MAD1L1: variants seen among roughly 807,000 people sequenced by gnomAD.
MAD1L1 encodes mitotic spindle assembly checkpoint protein MAD1.
Under a neutral mutation model 96.9 loss-of-function variants are expected in MAD1L1, and 95 were observed. The observed-to-expected ratio is 0.98, with a 90% CI of 0.83 to 1.16. The LOEUF is 1.16. MAD1L1 is among the 50% of genes most tolerant of loss of function. The probability of loss-of-function intolerance (pLI) is 0.00; values close to 1 mark genes in which losing one functional copy is unlikely to be tolerated. For missense variants in MAD1L1, 1,007 were observed against 954.4 expected (o/e 1.06, Z -0.73); for synonymous variants, 473 against 396.6 (o/e 1.19, Z -2.29).
chr7:2,113,790 G>A (rs1787508927), intron 11 of MAD1L1, among the ~76,000 whole-genome samples: 1 of 152,138 alleles, frequency 6.6e-6, no homozygotes, highest in African/African-American at 2.4e-5. Flanking sequence ...AAGATTTTCT[G>A]TCCAAAAATG....
chr7:2,221,272 C>T (rs1375095102), intron 5 of MAD1L1, among the ~76,000 whole-genome samples: 1 of 152,188 alleles, frequency 6.6e-6, no homozygotes, highest in Non-Finnish European at 1.5e-5. Flanking sequence ...GCAGCGGGGA[C>T]AGCCCCCGGC....
intron 10 of MAD1L1, among the ~76,000 whole-genome samples, chr7:2,184,593 G>C (rs1791370591): frequency 6.6e-6 from 1 of 152,220 alleles, no homozygotes; most frequent in Non-Finnish European, 1.5e-5. Context: ...GAGCACATGA[G>C]ATGTGGATGT....
At chr7:1,853,785 T>C (rs543062283) in intron 18 of MAD1L1, among the ~76,000 whole-genome samples, 31 of 152,058 alleles carry the variant, frequency 2.0e-4, no homozygotes, top group Middle Eastern at 3.4e-3. Flanking sequence ...GGGCCCTGCC[T>C]CTGCACCCCC....
intron 12 of MAD1L1, among the ~76,000 whole-genome samples, chr7:2,058,798 G>A (rs1441709189): frequency 8.9e-5 from 11 of 122,950 alleles, no homozygotes; most frequent in African/African-American, 2.8e-4. Context: ...GAGGAGAGGC[G>A]CGGGGCTGGA....
chr7:2,096,736 C>G (rs985215833), intron 11 of MAD1L1, among the ~76,000 whole-genome samples: 2 of 152,160 alleles, frequency 1.3e-5, no homozygotes, highest in Non-Finnish European at 2.9e-5. Flanking sequence ...GGCCCCTTCA[C>G]GAGGCCCAGC....
intron 18 of MAD1L1, among the ~76,000 whole-genome samples, chr7:1,839,731 A>G (rs1418338100): frequency 6.6e-6 from 1 of 152,032 alleles, no homozygotes; most frequent in East Asian, 1.9e-4. Context: ...TTCAGTTAGA[A>G]CATCCCCCCC....
At chr7:2,024,196 A>C (rs1012476773) in intron 12 of MAD1L1, among the ~76,000 whole-genome samples, 2 of 152,132 alleles carry the variant, frequency 1.3e-5, no homozygotes, top group East Asian at 3.8e-4. Flanking sequence ...ATAGGCATCT[A>C]AAGGGTAATA....
At chr7:1,953,222 C>A (rs73290597) in intron 16 of MAD1L1, among the ~76,000 whole-genome samples, 5,144 of 152,276 alleles carry the variant, frequency 0.034, 192 homozygotes, top group East Asian at 0.087. Context: ...GGGAGCAGAA[C>A]GGTCTCCGTG....
At chr7:2,215,207 A>G (rs1373821668) in intron 9 of MAD1L1, among the ~76,000 whole-genome samples, 1 of 152,056 alleles carries the variant, frequency 6.6e-6, no homozygotes, top group Non-Finnish European at 1.5e-5. Flanking sequence ...GTGAAACCCT[A>G]TCTCTACTAA....
chr7:1,967,565 G>T (rs888493729), intron 15 of MAD1L1, among the ~76,000 whole-genome samples: 1 of 152,194 alleles, frequency 6.6e-6, no homozygotes, highest in African/African-American at 2.4e-5. Flanking sequence ...GCCGTCCCAG[G>T]AGCCACAGGC....
intron 11 of MAD1L1, among the ~76,000 whole-genome samples, chr7:2,072,483 C>T (rs1785180833): frequency 6.6e-6 from 1 of 152,214 alleles, no homozygotes; most frequent in South Asian, 2.1e-4. Flanking sequence ...GCACAAAGCT[C>T]ATGGGAAACA....
At chr7:2,160,532 A>G (rs942292150) in intron 10 of MAD1L1, among the ~76,000 whole-genome samples, 1 of 142,946 alleles carries the variant, frequency 7.0e-6, no homozygotes, top group Non-Finnish European at 1.5e-5. Context: ...ACGGGGTTTC[A>G]CTGTGTTAGC....
chr7:1,997,565 G>C (rs944721903), intron 14 of MAD1L1, among the ~76,000 whole-genome samples: 24 of 152,392 alleles, frequency 1.6e-4, no homozygotes, highest in African/African-American at 5.8e-4. Context: ...AATGAAAAGG[G>C]AGTCAGGCTG....
At chr7:1,949,724 T>C (rs1779399466) in intron 16 of MAD1L1, among the ~76,000 whole-genome samples, 1 of 152,204 alleles carries the variant, frequency 6.6e-6, no homozygotes. Context: ...CCAAAGGACA[T>C]CGGTCCCTTG....
chr7:2,227,139 A>G lies in MAD1L1; in HGVS notation c.151-1589T>C, dbSNP rs144833543. 1.3e-4 allele frequency among the ~76,000 whole-genome samples: 20 copies of G among 151,920 alleles called. 1 individual carries two copies. The South Asian group carries it at 2.3e-3, about 17-fold the overall frequency. ...TGAAACCCTGTCTCTACTCAAAACT[A>G]TGAAAATTAGCCGAGTGTGGTGGTA... On this transcript the variant is annotated intron_variant, in intron 3 of 18. Coordinates refer to ENST00000265854, the MANE Select transcript of MAD1L1 (RefSeq NM_001013836.2).
At position 2,219,403 on chromosome 7, in the gene MAD1L1, G is replaced by A. The variant is rs752155000; in HGVS notation, c.525C>T (p.Asp175=). The A allele has an allele frequency of 1.9e-6, 3 of 1,612,464 alleles. No individual in the cohort carries two copies. Among genetic ancestry groups the A allele is most frequent in the Middle Eastern group, 1.6e-4 (1 of 6,074 alleles). ...RISELQWSVM[D]QEMRVKRLES... is the part of the protein sequence containing the mutation. ...CCAGGCGCTTCACCCGCATCTCCTGGTCCATCACGCTCCACTGCAGTTCCG... is the reference window on the plus strand; with the variant it reads ...CCAGGCGCTTCACCCGCATCTCCTGATCCATCACGCTCCACTGCAGTTCCG... The change falls in exon 6 of 19, where the codon GAC becomes GAT. Residue 175 remains aspartate, a synonymous_variant. Coordinates refer to ENST00000265854, the MANE Select transcript of MAD1L1 (RefSeq NM_001013836.2).
chr7:2,136,700 G>T (rs1788769985), intron 11 of MAD1L1, among the ~76,000 whole-genome samples: 1 of 152,168 alleles, frequency 6.6e-6, no homozygotes, highest in African/African-American at 2.4e-5. Flanking sequence ...TCTCCTCGGG[G>T]CTCAGCAGTG....
At chr7:1,844,536 A>C (rs1240929992) in intron 18 of MAD1L1, among the ~76,000 whole-genome samples, 2 of 151,902 alleles carry the variant, frequency 1.3e-5, no homozygotes, top group Non-Finnish European at 2.9e-5. Context: ...GCCCAGGGAG[A>C]GGCGCAGGCA....
In MAD1L1 at chr7:2,216,271, A is replaced by T; in HGVS notation, c.695T>A (p.Leu232Gln). The change falls in exon 8 of 19, where the codon CTG becomes CAG. Residue 232 changes from leucine to glutamine, a missense_variant. By Grantham distance (113) the Leu-to-Gln change is moderately radical. Coordinates refer to ENST00000265854, the MANE Select transcript of MAD1L1 (RefSeq NM_001013836.2). ...CGCTGCATCCTGCTCTTGCAGGGAC[A>T]GCTTCTGCTCCAGATCCTGATGGAG... ...EQQIKDLEQK[L>Q]SLQEQDAAIV... The T allele has an allele frequency of 6.2e-7, 1 of 1,614,048 alleles. No individual in the cohort carries two copies. The highest frequency in any genetic ancestry group is 1.3e-5 in the African/African-American group (1 of 75,062).
Sources: allele counts gnomAD v4.1 joint callset (sites outside exome capture counted in the v4.1 genomes callset), GRCh38; gene constraint gnomAD v4.1.1; transcripts MANE v1.5; gene names NCBI Gene and HGNC (gene_info 2026-07-23, HGNC 2026-07-21).